RBFOX1: variants seen among roughly 807,000 people sequenced by gnomAD.
RBFOX1 encodes RNA binding fox-1 homolog 1.
A neutral mutation model predicts 57.7 loss-of-function variants in RBFOX1; 8 were observed. The ratio of observed to expected loss-of-function variants is 0.14; its 90% CI spans 0.08 to 0.25. The LOEUF (loss-of-function observed/expected upper bound fraction) is 0.25, where lower values mean the gene tolerates loss of function less well. Ranked by LOEUF, RBFOX1 falls within the 10% of genes least tolerant of loss-of-function variation. The probability of loss-of-function intolerance (pLI) is 1.00; values close to 1 mark genes in which losing one functional copy is unlikely to be tolerated. For synonymous variants in RBFOX1, 326 were observed against 222.4 expected (o/e 1.47, Z -4.15); for missense variants, 611 against 548.5 (o/e 1.11, Z -1.14).
intron 2 of RBFOX1, among the ~76,000 whole-genome samples, chr16:6,478,660 C>T (rs1385525457): frequency 6.6e-6 from 1 of 151,390 alleles, no homozygotes; most frequent in East Asian, 1.9e-4. Context: ...CACTTAGAGG[C>T]TATTGTAAGG....
At chr16:6,970,507 T>C (rs2085298409) in intron 3 of RBFOX1, among the ~76,000 whole-genome samples, 1 of 152,134 alleles carries the variant, frequency 6.6e-6, no homozygotes, top group Non-Finnish European at 1.5e-5. Context: ...CATTCTAAGA[T>C]CAGAGACATC....
intron 3 of RBFOX1, among the ~76,000 whole-genome samples, chr16:7,049,166 C>T (rs1488129754): frequency 3.9e-5 from 6 of 152,140 alleles, no homozygotes; most frequent in Non-Finnish European, 7.3e-5. Context: ...CTAGGGTTCC[C>T]TGTTTGTTGT....
intron 4 of RBFOX1, among the ~76,000 whole-genome samples, chr16:7,265,679 C>T (rs1004107296): frequency 1.3e-5 from 2 of 152,176 alleles, no homozygotes; most frequent in Non-Finnish European, 2.9e-5. Context: ...AAACTCCTGA[C>T]CTCAGGTGAT....
At chr16:6,424,689 A>C (rs575210640) in intron 2 of RBFOX1, among the ~76,000 whole-genome samples, 3 of 152,124 alleles carry the variant, frequency 2.0e-5, no homozygotes, top group African/African-American at 7.2e-5. Flanking sequence ...TCACTGCAGC[A>C]TTGTTTACAG....
At chr16:7,546,293 C>T (rs546137574) in intron 5 of RBFOX1, among the ~76,000 whole-genome samples, 9 of 151,776 alleles carry the variant, frequency 5.9e-5, no homozygotes, top group Admixed American at 3.3e-4. Context: ...CACCACTGCA[C>T]TCTAGCCTGG....
chr16:6,250,442 A>G (rs1434784746), intron 1 of RBFOX1, among the ~76,000 whole-genome samples: 1 of 152,124 alleles, frequency 6.6e-6, no homozygotes, highest in Non-Finnish European at 1.5e-5. Context: ...CTTTATGTCA[A>G]AGAAAATGAG....
chr16:7,466,003 T>G (rs1011753632), intron 4 of RBFOX1, among the ~76,000 whole-genome samples: 1 of 152,186 alleles, frequency 6.6e-6, no homozygotes, highest in Non-Finnish European at 1.5e-5. Flanking sequence ...CGTTCCAGTT[T>G]TAAGTAGAAA....
intron 4 of RBFOX1, among the ~76,000 whole-genome samples, chr16:7,356,693 T>G (rs2097220024): frequency 6.6e-6 from 1 of 152,240 alleles, no homozygotes; most frequent in Admixed American, 6.5e-5. Flanking sequence ...CTGAAGTGCA[T>G]GAATACTTTG....
At chr16:7,187,365 A>G (rs11642352) in intron 4 of RBFOX1, among the ~76,000 whole-genome samples, 1 of 152,244 alleles carries the variant, frequency 6.6e-6, no homozygotes, top group African/African-American at 2.4e-5. Context: ...GTGAAGTCTT[A>G]CAAAGAAGTA....
chr16:7,667,844 T>C (rs1434046677), intron 13 of RBFOX1, among the ~76,000 whole-genome samples: 2 of 152,060 alleles, frequency 1.3e-5, no homozygotes, highest in African/African-American at 4.8e-5. Flanking sequence ...TGGCTAATTT[T>C]TGTATTTTTA....
intron 3 of RBFOX1, among the ~76,000 whole-genome samples, chr16:6,977,119 T>TTTTATATATA (rs1375171517): frequency 1.4e-5 from 2 of 139,650 alleles, no homozygotes. Flanking sequence ...ATGATCTATA[T>TTTTATATATA]TATCATATAT....
At chr16:6,791,727 C>G (rs73530781) in intron 3 of RBFOX1, among the ~76,000 whole-genome samples, 17,663 of 152,180 alleles carry the variant, frequency 0.12, 1,419 homozygotes, top group African/African-American at 0.22. Flanking sequence ...CCACACTGCA[C>G]TGCAGCCTGG....
At chr16:6,257,515 G>C (rs1050662708) in intron 1 of RBFOX1, among the ~76,000 whole-genome samples, 1 of 151,674 alleles carries the variant, frequency 6.6e-6, no homozygotes, top group African/African-American at 2.4e-5. Context: ...AGTTGATTTT[G>C]TTGCCCAGGT....
intron 1 of RBFOX1, among the ~76,000 whole-genome samples, chr16:6,052,499 C>T (rs1596724960): frequency 6.6e-6 from 1 of 152,074 alleles, no homozygotes; most frequent in Admixed American, 6.6e-5. Flanking sequence ...TATAATAATG[C>T]CTAGGCCGGG....
chr16:6,790,565 C>T (rs982011577), intron 3 of RBFOX1, among the ~76,000 whole-genome samples: 1 of 152,140 alleles, frequency 6.6e-6, no homozygotes, highest in Non-Finnish European at 1.5e-5. Context: ...TCTATTCCCC[C>T]AAACCATTGT....
At chr16:6,104,314 T>G (rs904187746) in intron 1 of RBFOX1, among the ~76,000 whole-genome samples, 25 of 152,190 alleles carry the variant, frequency 1.6e-4, no homozygotes, top group African/African-American at 6.0e-4. Flanking sequence ...CTCTTTATAT[T>G]GCAATATTAA....
intron 7 of RBFOX1, among the ~76,000 whole-genome samples, chr16:7,590,558 C>T (rs889511809): frequency 5.9e-5 from 9 of 152,002 alleles, no homozygotes; most frequent in African/African-American, 9.7e-5. Flanking sequence ...CTACTCCCTA[C>T]GTATATACTT....
intron 2 of RBFOX1, among the ~76,000 whole-genome samples, chr16:6,626,064 C>T (rs1183412122): frequency 6.6e-6 from 1 of 151,874 alleles, no homozygotes; most frequent in East Asian, 1.9e-4. Flanking sequence ...TATAGTGTTG[C>T]CTGCCTCTGA....
At chr16:5,692,825 C>A (rs1284765742) in intron 3 of RBFOX1, among the ~76,000 whole-genome samples, 2 of 151,968 alleles carry the variant, frequency 1.3e-5, no homozygotes, top group Non-Finnish European at 2.9e-5. Flanking sequence ...CATCTGCAAG[C>A]CGAGTAAGAA....
Sources: gnomAD v4.1 joint callset for allele counts (sites outside exome capture counted in the v4.1 genomes callset) on GRCh38, gnomAD v4.1.1 for gene constraint, MANE v1.5 for transcripts, NCBI Gene and HGNC (gene_info 2026-07-23, HGNC 2026-07-21) for gene names.